UHRF2: variants seen among roughly 807,000 people sequenced by gnomAD.
The protein encoded by UHRF2 is ubiquitin like with PHD and ring finger domains 2.
Under a neutral mutation model 96.8 loss-of-function variants are expected in UHRF2, and 23 were observed. The ratio of observed to expected loss-of-function variants is 0.24; its 90% confidence interval spans 0.17 to 0.34. UHRF2 has a LOEUF of 0.34. Ranked by LOEUF, UHRF2 falls within the 10% of genes least tolerant of loss-of-function variation. UHRF2 has a pLI of 1.00. For missense variants in UHRF2, 685 were observed against 981.5 expected (o/e 0.70, Z 4.04); for synonymous variants, 385 against 332.6 (o/e 1.16, Z -1.72).
chr9:6,459,356 AT>A (rs1206336547), intron 3 of UHRF2, among the ~76,000 whole-genome samples: 2 of 152,218 alleles, frequency 1.3e-5, no homozygotes, highest in African/African-American at 2.4e-5. Flanking sequence ...GAAAGAGGCC[AT>A]CATCTAGTCC....
intron 10 of UHRF2, chr9:6,494,908 G>A (rs1312624746): frequency 6.6e-6 from 1 of 152,162 alleles, no homozygotes; most frequent in Non-Finnish European, 1.5e-5. Context: ...GTTTCTGATA[G>A]TAGGATTATT....
At chr9:6,452,856 G>A (rs1821954951) in intron 3 of UHRF2, among the ~76,000 whole-genome samples, 1 of 152,170 alleles carries the variant, frequency 6.6e-6, no homozygotes, top group Non-Finnish European at 1.5e-5. Flanking sequence ...GGCGAGAGTG[G>A]AGCTTTAGAG....
At position 6,450,195 on chromosome 9, in the gene UHRF2, C is replaced by A. The variant is rs1290923327; in HGVS notation, c.645-10378C>A. On this transcript the variant is annotated intron_variant, in intron 3 of 15. Transcript: ENST00000276893. ...AAATAACCAATCAATGTTCATAGTTCCTTAATTATCTATTTAAAAATGTAC... is the reference window on the plus strand; with the variant it reads ...AAATAACCAATCAATGTTCATAGTTACTTAATTATCTATTTAAAAATGTAC... Among the ~76,000 whole-genome samples the A allele has an allele frequency of 4.6e-5, 7 of 152,080 alleles. No homozygotes were observed. In the East Asian group the frequency reaches 1.3e-3, roughly 29 times the overall value.
intron 1 of UHRF2, among the ~76,000 whole-genome samples, chr9:6,418,384 G>C (rs1819737007): frequency 6.6e-6 from 1 of 151,792 alleles, no homozygotes; most frequent in Non-Finnish European, 1.5e-5. Flanking sequence ...TAACTTGTGA[G>C]GTAGTACATA....
chr9:6,414,225 C>G (rs1476715600), intron 1 of UHRF2: 1 of 152,246 alleles, frequency 6.6e-6, no homozygotes, highest in Non-Finnish European at 1.5e-5. Context: ...GGTCCCTCTC[C>G]CTCGCCGCCT....
intron 3 of UHRF2, among the ~76,000 whole-genome samples, chr9:6,440,037 C>T (rs1270466687): frequency 6.6e-6 from 1 of 152,098 alleles, no homozygotes; most frequent in East Asian, 1.9e-4. Context: ...GTTCTGTATT[C>T]CCATCAATTA....
chr9:6,459,292 T>C (rs554759493), intron 3 of UHRF2, among the ~76,000 whole-genome samples: 1 of 152,354 alleles, frequency 6.6e-6, no homozygotes, highest in South Asian at 2.1e-4. Flanking sequence ...GCCAGGTTCA[T>C]GTTCTTATAA....
chr9:6,503,429 A>G (rs75474491), intron 14 of UHRF2, among the ~76,000 whole-genome samples: 10 of 151,894 alleles, frequency 6.6e-5, no homozygotes, highest in Admixed American at 5.2e-4. Flanking sequence ...ACCAGCCAAG[A>G]TGAAATGGAG....
rs975723611 is a variant in UHRF2, at chr9:6,421,201, C to T, written c.384+59C>T. On this transcript the variant is annotated intron_variant, in intron 2 of 15. Transcript: ENST00000276893. ...AATACAAATAAATTTATTTTCTGTT[C>T]AGGATGTTTTGAATAAGTAAACATT... is the stretch of plus-strand genomic sequence containing the variant. 2.3e-6 allele frequency: 3 copies of T among 1,315,582 alleles called. No individual in the cohort carries two copies. In the South Asian group the frequency reaches 4.1e-5, roughly 18 times the overall value. The allele number at this position is 1,315,582 out of a possible 1,614,324, so 81.5% of individuals were successfully genotyped here.
At chr9:6,428,554 T>TGAA (rs1820390171) in intron 2 of UHRF2, among the ~76,000 whole-genome samples, 1 of 120,520 alleles carries the variant, frequency 8.3e-6, no homozygotes, top group Non-Finnish European at 1.7e-5. Flanking sequence ...TTTTTTTTTT[T>TGAA]TTTTTTTTTT....
chr9:6,430,041 T>A (rs1820480014), intron 2 of UHRF2, among the ~76,000 whole-genome samples: 1 of 152,034 alleles, frequency 6.6e-6, no homozygotes, highest in African/African-American at 2.4e-5. Context: ...TGAAATGGAG[T>A]TTTACTCTTT....
At chr9:6,424,154 G>A (rs1191565870) in intron 2 of UHRF2, among the ~76,000 whole-genome samples, 1 of 152,130 alleles carries the variant, frequency 6.6e-6, no homozygotes, top group Non-Finnish European at 1.5e-5. Flanking sequence ...ATTAGAGAAG[G>A]CAAAGTTGCA....
At chr9:6,499,508 A>G (rs1825151880) in intron 12 of UHRF2, 1 of 163,330 alleles carries the variant, frequency 6.1e-6, no homozygotes, top group African/African-American at 2.4e-5. Context: ...GTTCTCATTT[A>G]CCTTCATTTC....
At chr9:6,459,163 C>T (rs968845988) in intron 3 of UHRF2, among the ~76,000 whole-genome samples, 9 of 152,024 alleles carry the variant, frequency 5.9e-5, no homozygotes, top group African/African-American at 2.2e-4. Context: ...ACCTGTATAC[C>T]TAAGTAACAA....
At chr9:6,419,195 A>T (rs944255112) in intron 1 of UHRF2, among the ~76,000 whole-genome samples, 2 of 152,230 alleles carry the variant, frequency 1.3e-5, no homozygotes, top group Non-Finnish European at 2.9e-5. Flanking sequence ...CTTAGCTCGT[A>T]ACAGTAGGTT....
chr9:6,445,291 T>A (rs1821419970), intron 3 of UHRF2, among the ~76,000 whole-genome samples: 1 of 152,082 alleles, frequency 6.6e-6, no homozygotes, highest in African/African-American at 2.4e-5. Context: ...ATTGATGGAG[T>A]CTTGCTCTGT....
chr9:6,426,671 A>T (rs1820277492), intron 2 of UHRF2, among the ~76,000 whole-genome samples: 1 of 152,190 alleles, frequency 6.6e-6, no homozygotes, highest in Non-Finnish European at 1.5e-5. Flanking sequence ...CCTTCACAGA[A>T]TTTTTATCAC....
At chr9:6,469,346 C>G (rs1350796346) in intron 4 of UHRF2, among the ~76,000 whole-genome samples, 1 of 151,836 alleles carries the variant, frequency 6.6e-6, no homozygotes, top group Non-Finnish European at 1.5e-5. Context: ...AGTGAAACCC[C>G]GTCTCTACTG....
At chr9:6,479,888 C>T (rs1823821311) in intron 6 of UHRF2, among the ~76,000 whole-genome samples, 1 of 152,174 alleles carries the variant, frequency 6.6e-6, no homozygotes, top group Non-Finnish European at 1.5e-5. Flanking sequence ...CTTCCTTGAA[C>T]TTCTGTAACG....
Sources: allele counts gnomAD v4.1 joint callset (sites outside exome capture counted in the v4.1 genomes callset), GRCh38; gene constraint gnomAD v4.1.1; transcripts MANE v1.5; gene names NCBI Gene and HGNC (gene_info 2026-07-23, HGNC 2026-07-21).